Variants in KRT40 observed in about 807,000 individuals in gnomAD.
KRT40 encodes the protein keratin 40.
In KRT40, 47 loss-of-function variants were observed where a neutral mutation model predicts 43.5. The ratio of observed to expected loss-of-function variants is 1.08; its 90% CI spans 0.86 to 1.38. The LOEUF (loss-of-function observed/expected upper bound fraction) is 1.38, where lower values mean the gene tolerates loss of function less well. KRT40 is among the 40% of genes most tolerant of loss of function. The probability of loss-of-function intolerance (pLI) is 0.00; values close to 1 mark genes in which losing one functional copy is unlikely to be tolerated. For missense variants in KRT40, 573 were observed against 523.6 expected (o/e 1.09, Z -0.92); for synonymous variants, 212 against 214.0 (o/e 0.99, Z 0.08).
At chr17:40,980,953 TC>T in intron 4 of KRT40, 36 bp downstream of exon 4, 1 of 1,614,068 alleles carries the variant, frequency 6.2e-7, no homozygotes, top group Non-Finnish European at 8.5e-7. Context: ...AAGGCAGAAG[TC>T]TGTAAGCCTG....
intron 5 of KRT40, among the ~76,000 whole-genome samples, chr17:40,979,885 G>C (rs1912039462): frequency 6.6e-6 from 1 of 152,180 alleles, no homozygotes; most frequent in African/African-American, 2.4e-5. Context: ...AAAATAGCTA[G>C]ATGGGAGGAC....
chr17:40,978,394 T>G, intron 6 of KRT40, 98 bp from the exon 7 acceptor site: 1 of 987,296 alleles, frequency 1.0e-6, no homozygotes, highest in Non-Finnish European at 1.6e-6. Flanking sequence ...CAAATTATGT[T>G]CTGAAAAAAA....
upstream of KRT40, among the ~76,000 whole-genome samples, chr17:40,985,211 T>A (rs533836048): frequency 2.0e-5 from 3 of 152,202 alleles, no homozygotes; most frequent in Non-Finnish European, 4.4e-5. Context: ...TTTATTTATT[T>A]ATGAAGGCCT....
chr17:40,983,410 G>T (rs1367063520), intron 1 of KRT40, among the ~76,000 whole-genome samples: 1 of 152,166 alleles, frequency 6.6e-6, no homozygotes, highest in Admixed American at 6.5e-5. Context: ...TTCTCCATCA[G>T]TAGTTTGTAT....
intron 5 of KRT40, 138 bp downstream of exon 5, chr17:40,980,647 C>T: frequency 8.6e-7 from 1 of 1,160,810 alleles, no homozygotes. Flanking sequence ...CCTGTCACTT[C>T]TGCTTCTATT....
rs1448466505 is a variant in KRT40, at chr17:40,978,900, C to A, written c.1100G>T (p.Arg367Leu). The change falls in exon 6 of 7, where the codon CGA (arginine) becomes CTA (leucine). Residue 367 changes from arginine (R) to leucine (L), a missense_variant. Physicochemically the swap from Arg to Leu is moderately radical, Grantham distance 102. Coordinates refer to ENST00000377755, the MANE Select transcript of KRT40 (RefSeq NM_001389244.1). The stretch of plus-strand genomic sequence containing the variant: ...GAGCACCTGGTACTCCTGGTTCTGT[C>A]GCTCCAGGTCGCAGCGGATCTCGGC... ...QLAEIRCDLE[R>L]QNQEYQVLLD... 2 of 1,613,950 alleles carry A rather than the reference C, an allele frequency of 1.2e-6. No individual in the cohort carries two copies. Among genetic ancestry groups the A allele is most frequent in the Admixed American group, 1.7e-5 (1 of 59,998 alleles).
intron 5 of KRT40, among the ~76,000 whole-genome samples, chr17:40,979,591 C>T (rs1912020613): frequency 6.6e-6 from 1 of 152,068 alleles, no homozygotes; most frequent in Non-Finnish European, 1.5e-5. Context: ...ATCACTACCA[C>T]CACTATGACT....
chr17:40,985,481 C>T (rs1016242889), upstream of KRT40, among the ~76,000 whole-genome samples: 3 of 151,976 alleles, frequency 2.0e-5, no homozygotes, highest in Non-Finnish European at 2.9e-5. Flanking sequence ...TTTTTAAGAA[C>T]ATTATAGGAA....
chr17:40,985,838 T>C (rs1211261179), upstream of KRT40, among the ~76,000 whole-genome samples: 1 of 152,232 alleles, frequency 6.6e-6, no homozygotes, highest in African/African-American at 2.4e-5. Flanking sequence ...CTTTTCACAG[T>C]AACCTAATGA....
chr17:40,979,378 G>A (rs967168215), intron 5 of KRT40, among the ~76,000 whole-genome samples: 5 of 152,000 alleles, frequency 3.3e-5, no homozygotes, highest in African/African-American at 9.7e-5. Flanking sequence ...AGCTGGGTAC[G>A]GTGGTGGACG....
chr17:40,982,176 C>G, intron 3 of KRT40, 131 bp downstream of exon 3: 1 of 808,172 alleles, frequency 1.2e-6, no homozygotes, highest in Non-Finnish European at 1.8e-6. Context: ...CATGCCTGGC[C>G]CTGCCTCAAG....
At chr17:40,980,275 C>T (rs541851399) in intron 5 of KRT40, among the ~76,000 whole-genome samples, 15 of 152,224 alleles carry the variant, frequency 9.9e-5, no homozygotes, top group African/African-American at 2.4e-4. Flanking sequence ...AGGTGTTCTC[C>T]GCAGGGCCTA....
chr17:40,982,390 G>T lies in KRT40; in HGVS notation c.604C>A (p.Leu202Met). The change falls in exon 3 of 7, where the codon CTG becomes ATG. Residue 202 changes from leucine to methionine, a missense_variant. Leu to Met is a conservative substitution (Grantham distance 15). Transcript: ENST00000377755. ...TCCAGATCAGATTTGCACAGGGTCA[G>T]TTCCTCCAGGATCCCATGCAGGCTG... ...ISSLHGILEE[L>M]TLCKSDLEAH... 1 of 1,612,040 alleles carries T rather than the reference G, an allele frequency of 6.2e-7. No individual in the cohort carries two copies. The highest frequency in any genetic ancestry group is 1.1e-5 in the South Asian group (1 of 90,720).
chr17:40,983,137 C>T lies in KRT40; in HGVS notation c.448-9G>A, dbSNP rs1280358772. ...GCTTTCGTGCATAAGATCTGGGAAG[C>T]AAGTCATTATGTGATAAATGATTCT... On this transcript the variant is annotated splice_polypyrimidine_tract_variant and intron_variant, in intron 1 of 6. Coordinates refer to ENST00000377755, the MANE Select transcript of KRT40 (RefSeq NM_001389244.1). The T allele has an allele frequency of 5.4e-6, 7 of 1,290,400 alleles. No individual in the cohort carries two copies. Among genetic ancestry groups the T allele is most frequent in the South Asian group, 1.3e-5 (1 of 79,188 alleles). The allele number at this position is 1,290,400 out of a possible 1,614,324, so 79.9% of individuals were successfully genotyped here. A position where few individuals can be genotyped will look rare whatever the true frequency, so the allele number is the denominator to read the frequency against.
Position 40,982,334 on chromosome 17 carries a change from G to T in KRT40, c.660C>A (p.Leu220=). The change falls in exon 3 of 7, where the codon CTC becomes CTA. Residue 220 remains leucine, a synonymous_variant. Transcript: ENST00000377755. ...CTTCATGGTTTTTCTTAAGGCAAAG[G>T]AGATCTTCCTTCAGAGACTCCACAT... is the stretch of plus-strand genomic sequence containing the variant. ...EAHVESLKED[L]LCLKKNHEEE... 6.3e-7 allele frequency: 1 copy of T among 1,595,526 alleles called. No homozygotes were observed. The highest frequency in any genetic ancestry group is 8.5e-7 in the Non-Finnish European group (1 of 1,172,544).
upstream of KRT40, among the ~76,000 whole-genome samples, chr17:40,985,958 T>G (rs958560789): frequency 2.6e-5 from 4 of 152,248 alleles, no homozygotes; most frequent in Non-Finnish European, 4.4e-5. Context: ...AAATATTTCC[T>G]TCTGTCTGGA....
intron 5 of KRT40, among the ~76,000 whole-genome samples, chr17:40,979,974 C>T (rs984961945): frequency 6.6e-6 from 1 of 152,142 alleles, no homozygotes; most frequent in Non-Finnish European, 1.5e-5. Context: ...GATCATTACA[C>T]ATTCTATGCA....
In KRT40 at chr17:40,981,067, G is replaced by T; in HGVS notation, c.772C>A (p.Leu258Met). 1 of 1,614,224 alleles carries T rather than the reference G, an allele frequency of 6.2e-7. No homozygotes were observed. The highest frequency in any genetic ancestry group is 8.5e-7 in the Non-Finnish European group (1 of 1,180,034). ...TCACACTGACAGCGCATCTCATCCA[G>T]GACCCTGTTGAGGTCAAGGGTGGGG... Reference protein sequence around the residue: ...TAPTLDLNRVLDEMRCQCETV... With the variant: ...TAPTLDLNRVMDEMRCQCETV... The change falls in exon 4 of 7, where the codon CTG (leucine) becomes ATG (methionine). Residue 258 changes from leucine to methionine, a missense_variant. Leu to Met is a conservative substitution (Grantham distance 15, BLOSUM62 2). Coordinates refer to ENST00000377755, the MANE Select transcript of KRT40 (RefSeq NM_001389244.1).
rs534577050 is a variant in KRT40, at chr17:40,983,822, C to T, written c.447+5G>A. The T allele has an allele frequency of 8.7e-6, 14 of 1,612,406 alleles. No individual in the cohort carries two copies. The South Asian group carries it at 1.3e-4, about 15-fold the overall frequency. Reference sequence around the variant, plus strand: ...GGTGGAGCACTAGGGCAACAGGACACAGACCTTTTGTTGGAGATCTTCAAT... The same window carrying T: ...GGTGGAGCACTAGGGCAACAGGACATAGACCTTTTGTTGGAGATCTTCAAT... On this transcript the variant is annotated splice_donor_5th_base_variant and intron_variant, in intron 1 of 6. Transcript: ENST00000377755.
Sources: allele counts gnomAD v4.1 joint callset (sites outside exome capture counted in the v4.1 genomes callset), GRCh38; gene constraint gnomAD v4.1.1; transcripts MANE v1.5; gene names NCBI Gene and HGNC (gene_info 2026-07-23, HGNC 2026-07-21).